The following MMADHC variants were observed in gnomAD, a reference collection of about 807,000 sequenced individuals.
MMADHC encodes cobalamin trafficking protein CblD.
MMADHC carries 23 observed loss-of-function variants against 36.3 expected under a neutral mutation model. The ratio of observed to expected loss-of-function variants is 0.63; its 90% CI spans 0.46 to 0.90. MMADHC has a LOEUF of 0.90. Among genes scored for constraint, MMADHC ranks in the 40% least tolerant of loss-of-function variants. MMADHC has a pLI of 0.00. For synonymous variants in MMADHC, 97 were observed against 116.1 expected, an observed-to-expected ratio of 0.84 and a Z score of 1.06; for missense variants, 330 against 348.0, an observed-to-expected ratio of 0.95 and a Z score of 0.41.
chr2:149,586,341 C>T (rs1204932530), intron 2 of MMADHC, among the ~76,000 whole-genome samples: 1 of 152,158 alleles, frequency 6.6e-6, no homozygotes, highest in Non-Finnish European at 1.5e-5. Flanking sequence ...GCAGCAGTCA[C>T]TTTTCAGTTT....
At chr2:149,575,498 AAATT>A (rs781698061) in intron 6 of MMADHC, among the ~76,000 whole-genome samples, 71 of 152,322 alleles carry the variant, frequency 4.7e-4, no homozygotes, top group Admixed American at 1.8e-3. Flanking sequence ...TTTTAAAAAT[AAATT>A]GAGGAAAGTA....
At chr2:149,570,773 T>C (rs1682626675) in intron 7 of MMADHC, among the ~76,000 whole-genome samples, 1 of 152,158 alleles carries the variant, frequency 6.6e-6, no homozygotes, top group Non-Finnish European at 1.5e-5. Context: ...AACTAGACTG[T>C]ACCAATTTAT....
intron 6 of MMADHC, among the ~76,000 whole-genome samples, chr2:149,572,593 G>A (rs148285557): frequency 6.6e-6 from 1 of 152,236 alleles, no homozygotes; most frequent in Non-Finnish European, 1.5e-5. Flanking sequence ...CCCAAGCAAA[G>A]TAATGGTGTC....
Position 149,569,973 on chromosome 2 carries a change from G to A in MMADHC, c.*1C>T, listed in dbSNP as rs770644627. The A allele has an allele frequency of 3.1e-6, 5 of 1,611,172 alleles. No individual in the cohort carries two copies. ...GTACAGCAAATGAATGGATATTTCT[G>A]CTAATTTCCACTTAATTTCTTCATA... is the stretch of plus-strand genomic sequence containing the variant. On this transcript the variant is annotated 3_prime_UTR_variant, in exon 8 of 8. Coordinates refer to ENST00000303319, the MANE Select transcript of MMADHC (RefSeq NM_015702.3).
rs10932470 is a variant in MMADHC, at chr2:149,576,176, T to A, written c.478+261A>T. On this transcript the variant is annotated intron_variant, in intron 5 of 7. Transcript: ENST00000303319. ...TTAACTCATAAAATTATAACTCTAA[T>A]AATCACCCAGGAGTAAAAATGACTT... Among the ~76,000 whole-genome samples the A allele has an allele frequency of 0.66, 100,574 of 151,938 alleles. 36,892 individuals are homozygous for A. The highest frequency in any genetic ancestry group is 0.86 in the East Asian group (4,431 of 5,160).
chr2:149,569,842 ATGT>A lies in MMADHC; in HGVS notation c.*129_*131del. The A allele has an allele frequency of 1.2e-6, 1 of 822,236 alleles. No individual in the cohort carries two copies. The highest frequency in any genetic ancestry group is 1.9e-6 in the Non-Finnish European group (1 of 523,796). The allele number at this position is 822,236 out of a possible 1,614,324, so 50.9% of individuals were successfully genotyped here. The stretch of plus-strand genomic sequence containing the variant: ...TTTTAAAATCCCAAATCACTTGCCA[ATGT>A]TGTAAATTCATAAATGCTGAAATAA... On this transcript the variant is annotated 3_prime_UTR_variant, in exon 8 of 8. Transcript: ENST00000303319.
intron 6 of MMADHC, among the ~76,000 whole-genome samples, chr2:149,574,221 A>G (rs1419831936): frequency 2.6e-5 from 4 of 152,184 alleles, no homozygotes; most frequent in Admixed American, 2.6e-4. Context: ...ATGTGACAAT[A>G]TACTAGCACT....
At chr2:149,586,383 T>C (rs562903974) in intron 2 of MMADHC, among the ~76,000 whole-genome samples, 29 of 152,276 alleles carry the variant, frequency 1.9e-4, no homozygotes, top group African/African-American at 6.5e-4. Context: ...GGGAGTTCTT[T>C]GAATATACCT....
intron 4 of MMADHC, among the ~76,000 whole-genome samples, chr2:149,578,055 A>G (rs1431659413): frequency 6.6e-6 from 1 of 152,094 alleles, no homozygotes; most frequent in Non-Finnish European, 1.5e-5. Flanking sequence ...ACAACAAAGA[A>G]ACAGGAGCTT....
chr2:149,584,803 C>A (rs1037138951), intron 2 of MMADHC, among the ~76,000 whole-genome samples: 2 of 152,010 alleles, frequency 1.3e-5, no homozygotes, highest in East Asian at 3.9e-4. Flanking sequence ...AATCCCAGCA[C>A]TTAGGGAGGC....
chr2:149,585,416 G>T (rs1682853051), intron 2 of MMADHC, among the ~76,000 whole-genome samples: 1 of 152,154 alleles, frequency 6.6e-6, no homozygotes, highest in African/African-American at 2.4e-5. Context: ...CTAAAAACTG[G>T]TAGTTTATGT....
chr2:149,581,234 A>T (rs13011851), intron 3 of MMADHC, among the ~76,000 whole-genome samples: 4,407 of 152,122 alleles, frequency 0.029, 112 homozygotes, highest in Non-Finnish European at 0.046. Context: ...ATCTATTATA[A>T]ATTCTTTATA....
At chr2:149,571,669 A>C (rs1682641838) in intron 6 of MMADHC, among the ~76,000 whole-genome samples, 1 of 151,896 alleles carries the variant, frequency 6.6e-6, no homozygotes, top group Non-Finnish European at 1.5e-5. Flanking sequence ...AGTCCCAGCT[A>C]CTCGGGAGGC....
intron 2 of MMADHC, among the ~76,000 whole-genome samples, chr2:149,586,229 C>T (rs1450572838): frequency 6.6e-6 from 1 of 152,224 alleles, no homozygotes; most frequent in South Asian, 2.1e-4. Flanking sequence ...GTCTAAATTA[C>T]TGAGTTCGGC....
intron 5 of MMADHC, 149 bp downstream of exon 5, chr2:149,576,288 A>C: frequency 1.5e-6 from 1 of 660,692 alleles, no homozygotes; most frequent in Non-Finnish European, 2.7e-6. Context: ...GGACATTTCA[A>C]AGCCTTTATC....
In MMADHC at chr2:149,571,205, T is replaced by C. The variant is rs767152099; in HGVS notation, c.610-34A>G. On this transcript the variant is annotated intron_variant, in intron 6 of 7. Coordinates refer to ENST00000303319, the MANE Select transcript of MMADHC (RefSeq NM_015702.3). ...GAAGTCACAAATAATATGCTTAAGATAGCATTACTAGAGATTGTTTTATTT... is the reference window on the plus strand; with the variant it reads ...GAAGTCACAAATAATATGCTTAAGACAGCATTACTAGAGATTGTTTTATTT... The C allele has an allele frequency of 7.1e-6, 9 of 1,271,408 alleles. No individual in the cohort carries two copies. The East Asian group carries it at 1.9e-4, about 27-fold the overall frequency. The allele number at this position is 1,271,408 out of a possible 1,614,324, so 78.8% of individuals were successfully genotyped here. A position where few individuals can be genotyped will look rare whatever the true frequency, so the allele number is the denominator to read the frequency against.
At chr2:149,582,676 CT>C (rs1459514401) in intron 2 of MMADHC, among the ~76,000 whole-genome samples, 1 of 152,150 alleles carries the variant, frequency 6.6e-6, no homozygotes, top group African/African-American at 2.4e-5. Context: ...GAACTTTTCT[CT>C]CTTCTTTTAC....
Position 149,570,072 on chromosome 2 carries a change from T to G in MMADHC, c.793A>C (p.Ile265Leu). ...SVDDLGCCKVIRHSLWGTHVV... is the reference protein window; with the variant it reads ...SVDDLGCCKVLRHSLWGTHVV... ...TGGGTACCCCAGAGACTATGACGAA[T>G]CACTTTACAGCATCCAAGGTCATCA... Residue 265 changes from isoleucine (I) to leucine (L), a missense_variant, in exon 8 of 8, where the codon ATT (isoleucine) becomes CTT (leucine). Physicochemically the swap from Ile to Leu is conservative, Grantham distance 5. Transcript: ENST00000303319. 2.5e-6 allele frequency: 4 copies of G among 1,613,760 alleles called. No homozygotes were observed. The highest frequency in any genetic ancestry group is 3.4e-6 in the Non-Finnish European group (4 of 1,179,744).
rs1354993038 is a variant in MMADHC at position 149,575,736 on chromosome 2, A to G, written c.584T>C (p.Ile195Thr). The change falls in exon 6 of 8, where the codon ATT (isoleucine) becomes ACT (threonine). Residue 195 changes from isoleucine (I) to threonine (T), a missense_variant. Physicochemically the swap from Ile to Thr is moderately conservative, Grantham distance 89 (BLOSUM62 -1). Coordinates refer to ENST00000303319, the MANE Select transcript of MMADHC (RefSeq NM_015702.3). ...CTTTTCTAAGAGCACTTCTCTTTCA[A>G]TTTCTACTTCTTCACTCCAAACAGT... ...DMTVWSEEVE[I>T]EREVLLEKFI... The G allele has an allele frequency of 6.2e-7, 1 of 1,603,130 alleles. No individual in the cohort carries two copies. Among genetic ancestry groups the G allele is most frequent in the African/African-American group, 1.3e-5 (1 of 74,670 alleles).
Sources: gnomAD v4.1 joint callset for allele counts (sites outside exome capture counted in the v4.1 genomes callset) on GRCh38, gnomAD v4.1.1 for gene constraint, MANE v1.5 for transcripts, NCBI Gene and HGNC (gene_info 2026-07-23, HGNC 2026-07-21) for gene names.